Variants in LSAMP observed in about 807,000 individuals in gnomAD.
The protein encoded by LSAMP is limbic system-associated membrane protein.
In LSAMP, 7 loss-of-function variants were observed where a neutral mutation model predicts 38.6. That is an observed-to-expected ratio of 0.18 (90% CI 0.10 to 0.34). LSAMP has a LOEUF of 0.34. LSAMP is among the 10% of genes least tolerant of loss of function. The pLI is 1.00. For synonymous variants in LSAMP, 154 were observed against 166.8 expected, an observed-to-expected ratio of 0.92 and a Z score of 0.59; for missense variants, 313 against 420.0, an observed-to-expected ratio of 0.75 and a Z score of 2.23.
chr3:115,996,103 T>G (rs1939808053), intron 3 of LSAMP, among the ~76,000 whole-genome samples: 1 of 152,092 alleles, frequency 6.6e-6, no homozygotes, highest in Non-Finnish European at 1.5e-5. Flanking sequence ...GTGAACTGGA[T>G]TATAATAAAG....
intron 3 of LSAMP, among the ~76,000 whole-genome samples, chr3:115,913,683 ATC>A (rs1035735022): frequency 4.7e-4 from 72 of 152,322 alleles, no homozygotes; most frequent in African/African-American, 1.6e-3. Context: ...TTGATGAGGA[ATC>A]TCTCTTTGAC....
At chr3:115,866,093 T>C (rs1332110043) in intron 3 of LSAMP, among the ~76,000 whole-genome samples, 1 of 152,166 alleles carries the variant, frequency 6.6e-6, no homozygotes, top group African/African-American at 2.4e-5. Context: ...AAGTGAAGTT[T>C]AGAAAAGTTA....
At chr3:116,136,256 G>T (rs1208365527) in intron 1 of LSAMP, among the ~76,000 whole-genome samples, 2 of 152,258 alleles carry the variant, frequency 1.3e-5, no homozygotes, top group East Asian at 1.9e-4. Flanking sequence ...CAGTCAGACC[G>T]ATAGCTACTT....
intron 1 of LSAMP, among the ~76,000 whole-genome samples, chr3:116,247,030 G>C (rs1350875098): frequency 6.6e-6 from 1 of 152,048 alleles, no homozygotes; most frequent in Non-Finnish European, 1.5e-5. Context: ...GTCAGGAGAT[G>C]GATATGTGAT....
At chr3:115,935,981 G>A (rs2107549218) in intron 3 of LSAMP, among the ~76,000 whole-genome samples, 1 of 152,200 alleles carries the variant, frequency 6.6e-6, no homozygotes, top group Admixed American at 6.5e-5. Context: ...TGCTATTTTG[G>A]TATTAAATTG....
At chr3:116,355,322 G>C (rs930342120) in intron 1 of LSAMP, among the ~76,000 whole-genome samples, 8 of 152,018 alleles carry the variant, frequency 5.3e-5, no homozygotes, top group Non-Finnish European at 1.2e-4. Flanking sequence ...AAAGTGCAAA[G>C]AACATACATT....
intron 3 of LSAMP, among the ~76,000 whole-genome samples, chr3:115,895,109 T>C (rs1329249590): frequency 2.6e-5 from 4 of 152,120 alleles, no homozygotes; most frequent in Non-Finnish European, 2.9e-5. Context: ...TTCCCTCCCA[T>C]TGACAATTAC....
chr3:116,275,379 ATTC>A (rs2047035482), intron 1 of LSAMP, among the ~76,000 whole-genome samples: 2 of 152,182 alleles, frequency 1.3e-5, no homozygotes, highest in African/African-American at 4.8e-5. Context: ...TGTTTTCTCT[ATTC>A]TTCTCTTTAA....
At chr3:115,921,764 T>G (rs760958234) in intron 3 of LSAMP, among the ~76,000 whole-genome samples, 5 of 152,136 alleles carry the variant, frequency 3.3e-5, no homozygotes, top group Admixed American at 1.3e-4. Flanking sequence ...CCTTAATTTT[T>G]GTTTATATGC....
chr3:116,303,165 A>G (rs2047437269), intron 1 of LSAMP, among the ~76,000 whole-genome samples: 1 of 152,224 alleles, frequency 6.6e-6, no homozygotes, highest in Non-Finnish European at 1.5e-5. Context: ...AAGAGGGTAA[A>G]TAGTAACCGA....
At chr3:116,005,680 A>AT (rs1449534485) in intron 3 of LSAMP, among the ~76,000 whole-genome samples, 1 of 152,226 alleles carries the variant, frequency 6.6e-6, no homozygotes, top group Non-Finnish European at 1.5e-5. Flanking sequence ...AATCAGTAAC[A>AT]TAACTGCCAA....
chr3:116,209,822 G>C (rs544262853), intron 1 of LSAMP, among the ~76,000 whole-genome samples: 1 of 151,998 alleles, frequency 6.6e-6, no homozygotes, highest in Non-Finnish European at 1.5e-5. Context: ...CACGATCTCC[G>C]CTCACTGCAA....
At chr3:115,895,219 T>C (rs1483178812) in intron 3 of LSAMP, among the ~76,000 whole-genome samples, 1 of 152,072 alleles carries the variant, frequency 6.6e-6, no homozygotes. Flanking sequence ...CAGTTCAATC[T>C]CTTGACTGTG....
chr3:116,392,067 G>A (rs1484900814), intron 1 of LSAMP, among the ~76,000 whole-genome samples: 1 of 152,300 alleles, frequency 6.6e-6, no homozygotes, highest in African/African-American at 2.4e-5. Context: ...AAATTGCGGA[G>A]ATATCACACC....
intron 1 of LSAMP, among the ~76,000 whole-genome samples, chr3:116,275,708 A>C (rs553015951): frequency 3.3e-5 from 5 of 152,056 alleles, no homozygotes; most frequent in Non-Finnish European, 7.4e-5. Flanking sequence ...AAGAAGACTA[A>C]ATCATTGCTA....
At chr3:115,912,432 C>T (rs1262034787) in intron 3 of LSAMP, among the ~76,000 whole-genome samples, 1 of 152,158 alleles carries the variant, frequency 6.6e-6, no homozygotes, top group African/African-American at 2.4e-5. Context: ...CCCCTTGTTA[C>T]TCTTGGGTGG....
chr3:116,296,279 G>GCAAA (rs1320591674), intron 1 of LSAMP, among the ~76,000 whole-genome samples: 2 of 152,082 alleles, frequency 1.3e-5, no homozygotes, highest in Non-Finnish European at 2.9e-5. Flanking sequence ...AAAATATTCT[G>GCAAA]CAAACAACCC....
chr3:116,403,257 C>T (rs1053248808), intron 1 of LSAMP, among the ~76,000 whole-genome samples: 20 of 152,274 alleles, frequency 1.3e-4, no homozygotes, highest in South Asian at 6.2e-4. Flanking sequence ...GACTTTTCTA[C>T]GTGGCATTTG....
At chr3:116,158,953 CAA>C (rs1352743804) in intron 1 of LSAMP, among the ~76,000 whole-genome samples, 1 of 151,864 alleles carries the variant, frequency 6.6e-6, no homozygotes, top group Non-Finnish European at 1.5e-5. Flanking sequence ...AAACAAAAAA[CAA>C]AGCTGGAGGC....
Sources: allele counts gnomAD v4.1 joint callset (sites outside exome capture counted in the v4.1 genomes callset), GRCh38; gene constraint gnomAD v4.1.1; transcripts MANE v1.5; gene names NCBI Gene and HGNC (gene_info 2026-07-23, HGNC 2026-07-21).